The following WWOX variants were observed in gnomAD, a reference collection of about 807,000 sequenced individuals.
WWOX encodes WW domain-containing oxidoreductase.
A neutral mutation model predicts 46.2 loss-of-function variants in WWOX; 69 were observed. That is an observed-to-expected ratio of 1.49 (90% confidence interval 1.23 to 1.82). WWOX has a LOEUF of 1.82. WWOX is among the 40% of genes most tolerant of loss of function. WWOX has a pLI of 0.00. For missense variants in WWOX, 919 were observed against 542.6 expected (o/e 1.69, Z -6.89); for synonymous variants, 359 against 202.6 (o/e 1.77, Z -6.56).
At chr16:79,072,471 G>A (rs2048569818) in intron 8 of WWOX, among the ~76,000 whole-genome samples, 1 of 152,172 alleles carries the variant, frequency 6.6e-6, no homozygotes, top group Admixed American at 6.5e-5. Context: ...GATTCAGAGA[G>A]GAGATGTGGT....
At chr16:78,330,259 CACTT>C (rs1378393619) in intron 5 of WWOX, among the ~76,000 whole-genome samples, 1 of 152,126 alleles carries the variant, frequency 6.6e-6, no homozygotes, top group Non-Finnish European at 1.5e-5. Context: ...CTGAATTGTT[CACTT>C]AAAGTGGTTA....
intron 8 of WWOX, among the ~76,000 whole-genome samples, chr16:78,965,419 A>C (rs1158880912): frequency 2.6e-5 from 4 of 152,048 alleles, no homozygotes; most frequent in East Asian, 1.9e-4. Flanking sequence ...AAATACAAAA[A>C]ATTAGCTGGG....
At chr16:78,429,951 T>C (rs771376082) in intron 7 of WWOX, among the ~76,000 whole-genome samples, 5 of 152,128 alleles carry the variant, frequency 3.3e-5, no homozygotes, top group Admixed American at 6.5e-5. Context: ...AGGTGTGTGG[T>C]ATTGCAGACT....
intron 8 of WWOX, among the ~76,000 whole-genome samples, chr16:78,858,530 G>C (rs1425023547): frequency 6.6e-6 from 1 of 151,998 alleles, no homozygotes; most frequent in Non-Finnish European, 1.5e-5. Context: ...AAAATGATTT[G>C]GGGTTGAGGT....
chr16:78,328,538 G>C (rs1432234882), intron 5 of WWOX, among the ~76,000 whole-genome samples: 1 of 152,178 alleles, frequency 6.6e-6, no homozygotes, highest in Non-Finnish European at 1.5e-5. Flanking sequence ...CAAAGGGTTA[G>C]TACTTTATTC....
chr16:78,799,623 C>CT (rs1023988536), intron 8 of WWOX, among the ~76,000 whole-genome samples: 5 of 320 alleles, frequency 0.016, no homozygotes, highest in African/African-American at 0.059. Flanking sequence ...TGGCTTTGGA[C>CT]GGCCCCCTGA....
intron 8 of WWOX, among the ~76,000 whole-genome samples, chr16:78,805,487 GTT>G (rs1438588630): frequency 6.6e-6 from 1 of 151,736 alleles, no homozygotes; most frequent in African/African-American, 2.4e-5. Flanking sequence ...GTTTCACAGT[GTT>G]ATGCAGGATG....
At chr16:78,620,723 T>G (rs1006885955) in intron 8 of WWOX, among the ~76,000 whole-genome samples, 15 of 152,198 alleles carry the variant, frequency 9.9e-5, no homozygotes, top group African/African-American at 3.6e-4. Flanking sequence ...AGCGATGGGT[T>G]AGCAAAATGC....
At chr16:78,683,601 T>G (rs2047782605) in intron 8 of WWOX, among the ~76,000 whole-genome samples, 2 of 151,650 alleles carry the variant, frequency 1.3e-5, no homozygotes, top group African/African-American at 4.8e-5. Flanking sequence ...AAAGTCTCGC[T>G]TTGTTGCCTA....
chr16:78,446,477 C>G (rs967144669), intron 8 of WWOX, among the ~76,000 whole-genome samples: 4 of 152,132 alleles, frequency 2.6e-5, no homozygotes, highest in Non-Finnish European at 5.9e-5. Context: ...GGAAGCATTT[C>G]TGTCACATCC....
At chr16:79,079,502 C>T (rs868402523) in intron 8 of WWOX, among the ~76,000 whole-genome samples, 2 of 152,182 alleles carry the variant, frequency 1.3e-5, no homozygotes, top group Non-Finnish European at 2.9e-5. Flanking sequence ...TGCCCCAACC[C>T]CCTGTTACAT....
chr16:78,647,003 T>C (rs542557497), intron 8 of WWOX, among the ~76,000 whole-genome samples: 1 of 152,256 alleles, frequency 6.6e-6, no homozygotes, highest in East Asian at 1.9e-4. Context: ...GGCCCAGATA[T>C]ACAGATGTCA....
intron 8 of WWOX, among the ~76,000 whole-genome samples, chr16:79,026,518 C>G (rs1021486796): frequency 2.0e-5 from 3 of 151,540 alleles, no homozygotes; most frequent in East Asian, 3.9e-4. Context: ...ATTTTCTGCT[C>G]CAGACAATGA....
intron 8 of WWOX, among the ~76,000 whole-genome samples, chr16:78,621,802 T>G (rs1216648195): frequency 6.6e-6 from 1 of 151,868 alleles, no homozygotes; most frequent in Non-Finnish European, 1.5e-5. Context: ...AGATGGGGTT[T>G]CACCATGTTA....
chr16:78,160,050 G>C (rs2034739872), intron 4 of WWOX, among the ~76,000 whole-genome samples: 1 of 151,476 alleles, frequency 6.6e-6, no homozygotes, highest in Non-Finnish European at 1.5e-5. Context: ...TTTTATGTTT[G>C]TTTTAGATTT....
intron 8 of WWOX, among the ~76,000 whole-genome samples, chr16:79,083,816 T>C (rs1254956004): frequency 6.6e-6 from 1 of 152,208 alleles, no homozygotes; most frequent in Non-Finnish European, 1.5e-5. Flanking sequence ...GCAACTTTTA[T>C]GTATTTGTAT....
chr16:78,650,524 C>T (rs1464659896), intron 8 of WWOX, among the ~76,000 whole-genome samples: 1 of 151,878 alleles, frequency 6.6e-6, no homozygotes, highest in Non-Finnish European at 1.5e-5. Context: ...ATCTAAAGCC[C>T]GAGTCGTATG....
chr16:78,106,249 C>T (rs925781199), intron 1 of WWOX, among the ~76,000 whole-genome samples: 4 of 152,142 alleles, frequency 2.6e-5, no homozygotes, highest in Non-Finnish European at 5.9e-5. Flanking sequence ...TGAGACACAG[C>T]TCTGCAAGGG....
At chr16:78,543,429 C>T (rs56742829) in intron 8 of WWOX, among the ~76,000 whole-genome samples, 4,057 of 152,290 alleles carry the variant, frequency 0.027, 147 homozygotes, top group African/African-American at 0.086. Flanking sequence ...TTAAGAGGTA[C>T]TGTATTGTTG....
Sources: allele counts gnomAD v4.1 joint callset (sites outside exome capture counted in the v4.1 genomes callset), GRCh38; gene constraint gnomAD v4.1.1; transcripts MANE v1.5; gene names NCBI Gene and HGNC (gene_info 2026-07-23, HGNC 2026-07-21).